DUSP10: variants seen among roughly 807,000 people sequenced by gnomAD.
The protein encoded by DUSP10 is dual specificity phosphatase 10.
In DUSP10, 14 loss-of-function variants were observed where a neutral mutation model predicts 30.8. The observed-to-expected ratio is 0.46, with a 90% confidence interval of 0.30 to 0.71. The LOEUF (loss-of-function observed/expected upper bound fraction) is 0.71. Among genes scored for constraint, DUSP10 ranks in the 30% least tolerant of loss-of-function variants. The probability of loss-of-function intolerance (pLI) is 0.08; values close to 1 mark genes in which losing one functional copy is unlikely to be tolerated. For missense variants in DUSP10, 550 were observed against 619.4 expected (o/e 0.89, Z 1.19); for synonymous variants, 254 against 250.4 (o/e 1.01, Z -0.14).
At chr1:221,725,086 G>C (rs974614012) in intron 2 of DUSP10, among the ~76,000 whole-genome samples, 4 of 152,126 alleles carry the variant, frequency 2.6e-5, no homozygotes, top group African/African-American at 9.7e-5. Flanking sequence ...GAGGAGCTTT[G>C]ACTCACTGAG....
chr1:221,729,170 T>A (rs1476989405), intron 2 of DUSP10, among the ~76,000 whole-genome samples: 1 of 152,232 alleles, frequency 6.6e-6, no homozygotes. Flanking sequence ...TTTGCTCAAA[T>A]TTTTATTCCT....
At chr1:221,708,373 A>C (rs889444485) in intron 2 of DUSP10, among the ~76,000 whole-genome samples, 1 of 152,214 alleles carries the variant, frequency 6.6e-6, no homozygotes, top group African/African-American at 2.4e-5. Context: ...GAGTCTCATG[A>C]CTTTTCACAA....
chr1:221,734,300 T>A (rs2102650680), intron 2 of DUSP10, among the ~76,000 whole-genome samples: 1 of 152,378 alleles, frequency 6.6e-6, no homozygotes, highest in Non-Finnish European at 1.5e-5. Context: ...TACTCCAGCC[T>A]CCTGGCCCAA....
In DUSP10 at chr1:221,706,792, T is replaced by G. The variant is rs1006290348; in HGVS notation, c.812-326A>C. ...ATCTTCCTCAGCTGCAAATGTGACC[T>G]GCCTCAAAGAGCCATATGCTCAGTG... On this transcript the variant is annotated intron_variant, in intron 2 of 3. Transcript: ENST00000366899. The surrounding 1 kb of genome is among the most constrained non-coding windows in gnomAD (Gnocchi z 4.6). 5.9e-5 allele frequency among the ~76,000 whole-genome samples: 9 copies of G among 152,204 alleles called. No individual in the cohort carries two copies. Among genetic ancestry groups the G allele is most frequent in the African/African-American group, 1.4e-4 (6 of 41,516 alleles).
At chr1:221,740,114 A>C (rs1368428196) in intron 1 of DUSP10, among the ~76,000 whole-genome samples, 2 of 152,234 alleles carry the variant, frequency 1.3e-5, no homozygotes, top group Non-Finnish European at 2.9e-5. Context: ...CTGAAGACAG[A>C]AGGGAGGCTC....
In DUSP10 at chr1:221,702,881, G is replaced by A. The variant is rs1281738513; in HGVS notation, c.1184-204C>T. Among the ~76,000 whole-genome samples the A allele has an allele frequency of 2.0e-5, 3 of 152,150 alleles. No homozygotes were observed. The highest frequency in any genetic ancestry group is 4.1e-4 in the South Asian group (2 of 4,828). ...AACTGGCTAAAGTTGATATCAGCAC[G>A]AACAAGAAGCTATACATCTACATTT... On this transcript the variant is annotated intron_variant, in intron 3 of 3. Transcript: ENST00000366899. The surrounding 1 kb of genome is among the most constrained non-coding windows in gnomAD (Gnocchi z 4.5).
intron 2 of DUSP10, among the ~76,000 whole-genome samples, chr1:221,709,002 T>TAA (rs58346899): frequency 0.03 from 4,152 of 139,850 alleles, 122 homozygotes; most frequent in African/African-American, 0.072. Flanking sequence ...GCAGCTAGTT[T>TAA]AAAAAAAAAA....
At position 221,739,754 on chromosome 1, in the gene DUSP10, G is replaced by T; in HGVS notation, c.-10C>A. On this transcript the variant is annotated 5_prime_UTR_variant, in exon 2 of 4. Coordinates refer to ENST00000366899, the MANE Select transcript of DUSP10 (RefSeq NM_007207.6). ...AAGGAGACGGAGGCATGAGGAGGCTGAAAACTGGCAATTCAAGAAGAACTC... is the reference window on the plus strand; with the variant it reads ...AAGGAGACGGAGGCATGAGGAGGCTTAAAACTGGCAATTCAAGAAGAACTC... The T allele has an allele frequency of 6.4e-7, 1 of 1,558,708 alleles. No homozygotes were observed. The highest frequency in any genetic ancestry group is 1.2e-5 in the South Asian group (1 of 83,234).
chr1:221,737,576 C>T (rs1205514069), intron 2 of DUSP10: 1 of 528,106 alleles, frequency 1.9e-6, no homozygotes, highest in South Asian at 8.2e-5. Flanking sequence ...TTCTGGAACT[C>T]TCTACATACA....
At chr1:221,734,133 T>A (rs1371529830) in intron 2 of DUSP10, among the ~76,000 whole-genome samples, 1 of 152,184 alleles carries the variant, frequency 6.6e-6, no homozygotes, top group African/African-American at 2.4e-5. Context: ...TCCACAATCC[T>A]TATTCCAAAA....
rs1364539368 is a variant in DUSP10 at position 221,701,975 on chromosome 1, T to G, written c.*437A>C. 1.3e-5 allele frequency: 2 copies of G among 159,392 alleles called. No homozygotes were observed. The highest frequency in any genetic ancestry group is 2.8e-5 in the Non-Finnish European group (2 of 72,670). The allele number at this position is 159,392 out of a possible 1,614,324, so 9.9% of individuals were successfully genotyped here. On this transcript the variant is annotated 3_prime_UTR_variant, in exon 4 of 4. Coordinates refer to ENST00000366899, the MANE Select transcript of DUSP10 (RefSeq NM_007207.6). ...TTGGTTTGGTTGGGTTTTTGTTTTC[T>G]GTGTGGACAGCCCAGGTTGATCCCA...
At chr1:221,703,201 ATGTG>A (rs150612120) in intron 3 of DUSP10, among the ~76,000 whole-genome samples, 1 of 149,902 alleles carries the variant, frequency 6.7e-6, no homozygotes, top group Non-Finnish European at 1.5e-5. Flanking sequence ...ATGTGTGTGT[ATGTG>A]TGTGTGTGTG....
intron 2 of DUSP10, chr1:221,737,578 CT>C (rs908118179): frequency 1.9e-6 from 1 of 521,142 alleles, no homozygotes; most frequent in Admixed American, 6.4e-5. Flanking sequence ...CTGGAACTCT[CT>C]ACATACAATT....
chr1:221,712,072 C>T (rs115327619), intron 2 of DUSP10, among the ~76,000 whole-genome samples: 308 of 152,230 alleles, frequency 2.0e-3, no homozygotes, highest in African/African-American at 6.3e-3. Flanking sequence ...AAGATTATTT[C>T]TACTTCTTGT....
At chr1:221,723,727 G>C (rs1661342732) in intron 2 of DUSP10, among the ~76,000 whole-genome samples, 2 of 152,240 alleles carry the variant, frequency 1.3e-5, no homozygotes, top group South Asian at 4.1e-4. Context: ...GGAGGGTCCT[G>C]CATATGGAGC....
chr1:221,727,662 T>C (rs4846722), intron 2 of DUSP10, among the ~76,000 whole-genome samples: 152,204 of 152,364 alleles, frequency 1, 76,022 homozygotes, highest in Middle Eastern at 1. Flanking sequence ...TCAGAAAACT[T>C]ACCTTGCCAT....
chr1:221,709,874 T>A (rs1216551642), intron 2 of DUSP10, among the ~76,000 whole-genome samples: 2 of 152,196 alleles, frequency 1.3e-5, no homozygotes, highest in African/African-American at 4.8e-5. Context: ...GATCACTTAA[T>A]GAGGAACCCT....
chr1:221,731,242 A>T (rs954210912), intron 2 of DUSP10, among the ~76,000 whole-genome samples: 4 of 152,158 alleles, frequency 2.6e-5, no homozygotes, highest in African/African-American at 4.8e-5. Flanking sequence ...TGTCCCTTAT[A>T]CTGGTTTTTA....
chr1:221,734,874 T>C (rs1221196887), intron 2 of DUSP10, among the ~76,000 whole-genome samples: 4 of 152,106 alleles, frequency 2.6e-5, no homozygotes, highest in East Asian at 1.9e-4. Context: ...CCTCATAACA[T>C]CTCTGAGAGA....
Sources: gnomAD v4.1 joint callset for allele counts (sites outside exome capture counted in the v4.1 genomes callset) on GRCh38, gnomAD v4.1.1 for gene constraint, Gnocchi (gnomAD v3.1) non-coding constraint, MANE v1.5 for transcripts, NCBI Gene and HGNC (gene_info 2026-07-23, HGNC 2026-07-21) for gene names.